CBX1: variants seen among roughly 807,000 people sequenced by gnomAD.
The protein encoded by CBX1 is chromobox 1, also known as chromobox protein homolog 1.
CBX1 carries 10 observed loss-of-function variants against 25.1 expected under a neutral mutation model. The ratio of observed to expected loss-of-function variants is 0.40; its 90% CI spans 0.25 to 0.68. The LOEUF (loss-of-function observed/expected upper bound fraction) is 0.68, where lower values mean the gene tolerates loss of function less well. CBX1 is among the 30% of genes least tolerant of loss of function. CBX1 has a pLI of 0.40. For synonymous variants in CBX1, 63 were observed against 79.4 expected (o/e 0.79, Z 1.10); for missense variants, 106 against 218.5 (o/e 0.49, Z 3.25).
chr17:48,072,415 A>G (rs113054025), intron 4 of CBX1, among the ~76,000 whole-genome samples: 22 of 152,356 alleles, frequency 1.4e-4, no homozygotes, highest in African/African-American at 4.8e-4. Flanking sequence ...CTATCCTCGC[A>G]TAACTTCCAG....
chr17:48,070,998 T>TCCC lies in CBX1; in HGVS notation c.*434_*436dup, dbSNP rs1164686324. The TCCC allele has an allele frequency of 4.4e-5, 6 of 135,186 alleles. No individual in the cohort carries two copies. Among genetic ancestry groups the TCCC allele is most frequent in the Non-Finnish European group, 9.5e-5 (6 of 62,900 alleles). The allele number at this position is 135,186 out of a possible 1,614,324, so 8.4% of individuals were successfully genotyped here. A position where few individuals can be genotyped will look rare whatever the true frequency, so the allele number is the denominator to read the frequency against. ...CCTTTCTCCCCTCCCCATCCCTCCC[T>TCCC]CCCCCAAATAATACACCAGTAATAG... On this transcript the variant is annotated 3_prime_UTR_variant, in exon 5 of 5. Coordinates refer to ENST00000225603, the MANE Select transcript of CBX1 (RefSeq NM_001127228.2).
rs768336123 is a variant in CBX1, at chr17:48,071,427, C to G, written c.*8G>C. ...GTCAGATGTGACAGGGGCTGGTACT[C>G]AGGAGCGTTAGTTCTTGTCATCTTT... On this transcript the variant is annotated 3_prime_UTR_variant, in exon 5 of 5. Coordinates refer to ENST00000225603, the MANE Select transcript of CBX1 (RefSeq NM_001127228.2). 6.2e-6 allele frequency: 10 copies of G among 1,603,078 alleles called. No homozygotes were observed. Among genetic ancestry groups the G allele is most frequent in the Non-Finnish European group, 8.5e-6 (10 of 1,175,518 alleles).
chr17:48,091,347 C>A (rs1003882892), intron 1 of CBX1, among the ~76,000 whole-genome samples: 4 of 151,568 alleles, frequency 2.6e-5, no homozygotes, highest in African/African-American at 9.7e-5. Flanking sequence ...CAGTTAATGG[C>A]TATCAAAGTT....
At chr17:48,096,588 A>G (rs1206738686) in intron 1 of CBX1, among the ~76,000 whole-genome samples, 1 of 152,042 alleles carries the variant, frequency 6.6e-6, no homozygotes, top group Non-Finnish European at 1.5e-5. Flanking sequence ...CCTGGCCAAC[A>G]TGGTGAGACC....
intron 4 of CBX1, among the ~76,000 whole-genome samples, chr17:48,072,272 A>C (rs545191514): frequency 6.0e-4 from 92 of 152,092 alleles, no homozygotes; most frequent in African/African-American, 2.2e-3. Flanking sequence ...CAGCCTCCCA[A>C]AGTGTTGGGA....
intron 2 of CBX1, among the ~76,000 whole-genome samples, chr17:48,076,390 C>G (rs2037674835): frequency 6.6e-6 from 1 of 152,142 alleles, no homozygotes; most frequent in East Asian, 1.9e-4. Context: ...GGTCTGTAGC[C>G]ACACACAAAA....
intron 1 of CBX1, among the ~76,000 whole-genome samples, chr17:48,077,472 G>T: frequency 8.2e-6 from 1 of 121,792 alleles, no homozygotes; most frequent in Non-Finnish European, 1.6e-5. Flanking sequence ...TTTTTTAGTA[G>T]AGACGGGATT....
At chr17:48,076,830 T>TTTATCA in intron 2 of CBX1, 35 bp downstream of exon 2, 1 of 1,590,484 alleles carries the variant, frequency 6.3e-7, no homozygotes, top group Non-Finnish European at 8.6e-7. Flanking sequence ...GATAAACACG[T>TTTATCA]GGTGGCTACA....
chr17:48,079,164 G>A (rs1474770299), intron 1 of CBX1, among the ~76,000 whole-genome samples: 1 of 150,884 alleles, frequency 6.6e-6, no homozygotes, highest in Non-Finnish European at 1.5e-5. Context: ...GGAGTGCAGT[G>A]GCACAGTCTT....
chr17:48,076,115 C>T lies in CBX1; in HGVS notation c.204G>A (p.Leu68=). 2 of 1,612,264 alleles carry T rather than the reference C, an allele frequency of 1.2e-6. No individual in the cohort carries two copies. The highest frequency in any genetic ancestry group is 1.3e-5 in the African/African-American group (1 of 75,008). ...LDCPDLIAEF[L]QSQKTAHETD... ...TCTCATGTGCTGTTTTCTGTGACTG[C>T]AGAAACTCAGCAATGAGGTCGGGGC... is the stretch of plus-strand genomic sequence containing the variant. The change falls in exon 3 of 5, where the codon CTG becomes CTA. Residue 68 remains leucine (L), a synonymous_variant. Coordinates refer to ENST00000225603, the MANE Select transcript of CBX1 (RefSeq NM_001127228.2).
chr17:48,084,171 T>C (rs1470314448), intron 1 of CBX1, among the ~76,000 whole-genome samples: 1 of 147,978 alleles, frequency 6.8e-6, no homozygotes, highest in East Asian at 1.9e-4. Context: ...AGACAAGGTG[T>C]TCCTATGTTG....
chr17:48,094,771 G>C (rs2063364188), intron 1 of CBX1, among the ~76,000 whole-genome samples: 1 of 151,234 alleles, frequency 6.6e-6, no homozygotes, highest in African/African-American at 2.4e-5. Context: ...CTCCTGACTG[G>C]GCTTGGTGGC....
intron 2 of CBX1, 21 bp downstream of exon 2, chr17:48,076,844 A>T: frequency 6.2e-7 from 1 of 1,603,540 alleles, no homozygotes. Context: ...GGCTACATTT[A>T]CCTGTGTCAG....
intron 1 of CBX1, among the ~76,000 whole-genome samples, chr17:48,085,856 C>T (rs1013270815): frequency 2.0e-5 from 3 of 152,104 alleles, no homozygotes; most frequent in Non-Finnish European, 2.9e-5. Flanking sequence ...CACCTAAGGT[C>T]AGGAGTTCAA....
intron 1 of CBX1, among the ~76,000 whole-genome samples, chr17:48,084,299 C>T (rs1387620039): frequency 2.1e-5 from 3 of 141,640 alleles, no homozygotes; most frequent in South Asian, 2.2e-4. Flanking sequence ...ACTGAACCTC[C>T]GCCTCCAGAG....
chr17:48,098,702 C>A (rs1381336982), intron 1 of CBX1, among the ~76,000 whole-genome samples: 1 of 152,062 alleles, frequency 6.6e-6, no homozygotes, highest in South Asian at 2.1e-4. Context: ...AGTATGGCTC[C>A]ATTTTATGGG....
chr17:48,094,190 T>C (rs1216147321), intron 1 of CBX1, among the ~76,000 whole-genome samples: 2 of 143,362 alleles, frequency 1.4e-5, no homozygotes, highest in Admixed American at 1.4e-4. Flanking sequence ...TCCCAGCACA[T>C]TGGGAGGCCA....
At chr17:48,075,266 C>T (rs948019889) in intron 3 of CBX1, among the ~76,000 whole-genome samples, 166 bp from the exon 4 acceptor site, 3 of 151,304 alleles carry the variant, frequency 2.0e-5, no homozygotes, top group African/African-American at 7.3e-5. Context: ...GCGATCTCGG[C>T]TCACTGCAGC....
At chr17:48,085,512 G>T (rs1373631220) in intron 1 of CBX1, among the ~76,000 whole-genome samples, 1 of 151,482 alleles carries the variant, frequency 6.6e-6, no homozygotes, top group Non-Finnish European at 1.5e-5. Context: ...ATAAGAAAGT[G>T]ACTGGTAATG....
Sources: allele counts gnomAD v4.1 joint callset (sites outside exome capture counted in the v4.1 genomes callset), GRCh38; gene constraint gnomAD v4.1.1; transcripts MANE v1.5; gene names NCBI Gene and HGNC (gene_info 2026-07-23, HGNC 2026-07-21).